Variants in MDM2 observed in about 807,000 individuals in gnomAD.
MDM2 encodes the protein E3 ubiquitin-protein ligase Mdm2.
In MDM2, 11 loss-of-function variants were observed where a neutral mutation model predicts 64.3. That is an observed-to-expected ratio of 0.17 (90% CI 0.11 to 0.28). The LOEUF is 0.28. Among genes scored for constraint, MDM2 ranks in the 10% least tolerant of loss-of-function variants. MDM2 has a pLI of 1.00. For missense variants in MDM2, 388 were observed against 577.1 expected, an observed-to-expected ratio of 0.67 and a Z score of 3.36; for synonymous variants, 194 against 192.9, an observed-to-expected ratio of 1.01 and a Z score of -0.05.
rs779990530 is a variant in MDM2 at position 68,828,781 on chromosome 12, A to T, written c.534A>T (p.Ser178=). The change falls in exon 8 of 11, where the codon TCA becomes TCT. Residue 178 remains serine, a synonymous_variant. Coordinates refer to ENST00000258149, the MANE Select transcript of MDM2 (RefSeq NM_002392.6). ...TCCTTACATATCCAGAAGAAAATTC[A>T]GATGAATTATCTGGTGAACGACAAA... ...RRAISETEEN[S]DELSGERQRK... 9 of 1,613,838 alleles carry T rather than the reference A, an allele frequency of 5.6e-6. No individual in the cohort carries two copies. Among genetic ancestry groups the T allele is most frequent in the Non-Finnish European group, 7.6e-6 (9 of 1,179,948 alleles).
At position 68,844,817 on chromosome 12, in the gene MDM2, A is replaced by C; in HGVS notation, c.*4968A>C. On this transcript the variant is annotated 3_prime_UTR_variant, in exon 11 of 11. Transcript: ENST00000258149. ...AGTCTTGCTCTGTGGCTCAGGCTGGAGTACAGTGGTGCAATCTTGGCTCAC... is the reference window on the plus strand; with the variant it reads ...AGTCTTGCTCTGTGGCTCAGGCTGGCGTACAGTGGTGCAATCTTGGCTCAC... The C allele has an allele frequency of 5.0e-6, 1 of 200,976 alleles. No individual in the cohort carries two copies. Among genetic ancestry groups the C allele is most frequent in the East Asian group, 7.7e-5 (1 of 13,062 alleles). The allele number at this position is 200,976 out of a possible 1,614,324, so 12.4% of individuals were successfully genotyped here. A position where few individuals can be genotyped will look rare whatever the true frequency, so the allele number is the denominator to read the frequency against.
At chr12:68,815,801 T>TA (rs1220016431) in intron 3 of MDM2, 3 of 187,960 alleles carry the variant, frequency 1.6e-5, no homozygotes, top group African/African-American at 7.2e-5. Context: ...AATGAGATAA[T>TA]ACTTATAAAA....
At chr12:68,809,030 G>T in intron 1 of MDM2, 178 bp from the exon 2 acceptor site, 1 of 1,484,298 alleles carries the variant, frequency 6.7e-7, no homozygotes, top group Non-Finnish European at 8.9e-7. Flanking sequence ...GTTCAGTGGC[G>T]ATTGGAGGGT....
intron 3 of MDM2, chr12:68,814,565 C>T (rs1881187272): frequency 5.7e-6 from 2 of 347,894 alleles, no homozygotes; most frequent in East Asian, 8.3e-5. Context: ...TTTTTTTTTT[C>T]CCATCCAAAT....
chr12:68,824,300 T>A, intron 5 of MDM2, 63 bp from the exon 6 acceptor site: 1 of 1,129,358 alleles, frequency 8.9e-7, no homozygotes, highest in Non-Finnish European at 1.3e-6. Flanking sequence ...GCATATCTAC[T>A]GAGTAGCGCC....
chr12:68,827,856 C>T (rs955506452), intron 7 of MDM2, among the ~76,000 whole-genome samples: 1 of 152,168 alleles, frequency 6.6e-6, no homozygotes, highest in African/African-American at 2.4e-5. Flanking sequence ...AAGAGCCGGG[C>T]TTAGTGGCTT....
intron 8 of MDM2, among the ~76,000 whole-genome samples, chr12:68,832,081 A>C (rs1193023639): frequency 1.3e-5 from 2 of 152,108 alleles, no homozygotes; most frequent in East Asian, 3.8e-4. Context: ...AAACAACAAC[A>C]ACAAAATCTC....
chr12:68,846,506 CT>C (rs1884308862), downstream of MDM2: 1 of 152,194 alleles, frequency 6.6e-6, no homozygotes, highest in Non-Finnish European at 1.5e-5. Flanking sequence ...CCCCAGCCCA[CT>C]GTCCTGTATT....
intron 8 of MDM2, 91 bp downstream of exon 8, chr12:68,829,022 T>C: frequency 7.9e-7 from 1 of 1,264,572 alleles, no homozygotes; most frequent in South Asian, 1.5e-5. Flanking sequence ...AATGTACATG[T>C]GTCTTACGAG....
rs1298308828 is a variant in MDM2, at chr12:68,842,552, T to G, written c.*2703T>G. On this transcript the variant is annotated 3_prime_UTR_variant, in exon 11 of 11. Transcript: ENST00000258149. ...CTACAAAACAGATAATATGGATGTT[T>G]GATCGCATCTCATTGTTAACTCTTT... 2.9e-6 allele frequency: 1 copy of G among 349,858 alleles called. No individual in the cohort carries two copies. The highest frequency in any genetic ancestry group is 5.6e-6 in the Non-Finnish European group (1 of 178,200). The allele number at this position is 349,858 out of a possible 1,614,324, so 21.7% of individuals were successfully genotyped here. A position where few individuals can be genotyped will look rare whatever the true frequency, so the allele number is the denominator to read the frequency against.
chr12:68,829,684 C>T (rs1473582182), intron 8 of MDM2, among the ~76,000 whole-genome samples: 1 of 150,350 alleles, frequency 6.7e-6, no homozygotes, highest in South Asian at 2.1e-4. Context: ...GAGAATCGCT[C>T]GAACCCAGGA....
intron 2 of MDM2, among the ~76,000 whole-genome samples, chr12:68,810,367 A>G (rs929374308): frequency 2.0e-5 from 3 of 151,994 alleles, no homozygotes; most frequent in Admixed American, 6.6e-5. Flanking sequence ...TGAGTTCTCA[A>G]TTTTACTATT....
At chr12:68,838,210 C>T (rs557585319) in intron 10 of MDM2, among the ~76,000 whole-genome samples, 1 of 152,290 alleles carries the variant, frequency 6.6e-6, no homozygotes, top group South Asian at 2.1e-4. Flanking sequence ...GTGAGGCAAT[C>T]TCAAAATGGT....
intron 5 of MDM2, 129 bp downstream of exon 5, chr12:68,820,503 T>C (rs1881755270): frequency 2.8e-6 from 2 of 710,366 alleles, no homozygotes; most frequent in Non-Finnish European, 4.8e-6. Context: ...GTAATAAAAG[T>C]ATGATAAATT....
chr12:68,833,166 A>T (rs1180279356), intron 8 of MDM2, among the ~76,000 whole-genome samples: 2 of 122,038 alleles, frequency 1.6e-5, no homozygotes, highest in African/African-American at 2.9e-5. Flanking sequence ...ATATATATAT[A>T]TTTATATTTA....
intron 8 of MDM2, among the ~76,000 whole-genome samples, chr12:68,833,167 T>TA (rs1592594747): frequency 1.5e-5 from 2 of 129,550 alleles, no homozygotes; most frequent in African/African-American, 2.9e-5. Flanking sequence ...TATATATATA[T>TA]TTATATTTAA....
chr12:68,841,407 A>G lies in MDM2; in HGVS notation c.*1558A>G, dbSNP rs181303827. On this transcript the variant is annotated 3_prime_UTR_variant, in exon 11 of 11. Coordinates refer to ENST00000258149, the MANE Select transcript of MDM2 (RefSeq NM_002392.6). ...TTAGCCACCACACCCGGCTGTAAAA[A>G]TGTACTTATTCTCCAGCCTCTTTTG... is the stretch of plus-strand genomic sequence containing the variant. 3.4e-4 allele frequency: 71 copies of G among 208,364 alleles called. No individual in the cohort carries two copies. The highest frequency in any genetic ancestry group is 1.5e-3 in the South Asian group (8 of 5,324). 12.9% of individuals were successfully genotyped at this position (208,364 alleles called of 1,614,324 possible).
chr12:68,821,480 T>A (rs562537686), intron 5 of MDM2, among the ~76,000 whole-genome samples: 2 of 152,154 alleles, frequency 1.3e-5, no homozygotes, highest in Non-Finnish European at 2.9e-5. Flanking sequence ...TCCAGCACTT[T>A]AGGAGGCTAA....
At position 68,842,627 on chromosome 12, in the gene MDM2, C is replaced by T. The variant is rs765388354; in HGVS notation, c.*2778C>T. On this transcript the variant is annotated 3_prime_UTR_variant, in exon 11 of 11. Transcript: ENST00000258149. ...GTGAAATGTGGACATAAAATAGTTA[C>T]GCTATTTGGTTAATGGTACTAGACA... 1.5e-4 allele frequency: 43 copies of T among 283,700 alleles called. No individual in the cohort carries two copies. The highest frequency in any genetic ancestry group is 2.5e-4 in the Non-Finnish European group (36 of 142,904). The allele number at this position is 283,700 out of a possible 1,614,324, so 17.6% of individuals were successfully genotyped here.
Sources: gnomAD v4.1 joint callset for allele counts (sites outside exome capture counted in the v4.1 genomes callset) on GRCh38, gnomAD v4.1.1 for gene constraint, MANE v1.5 for transcripts, NCBI Gene and HGNC (gene_info 2026-07-23, HGNC 2026-07-21) for gene names.